The following LRRC7 variants were observed in gnomAD, a reference collection of about 807,000 sequenced individuals.
The protein encoded by LRRC7 is leucine rich repeat containing 7, also known as leucine-rich repeat-containing protein 7.
A neutral mutation model predicts 175.7 loss-of-function variants in LRRC7; 23 were observed. The observed-to-expected ratio is 0.13, with a 90% CI of 0.09 to 0.19. The LOEUF (loss-of-function observed/expected upper bound fraction) is 0.19. LRRC7 is among the 10% of genes least tolerant of loss of function. The pLI, the probability that LRRC7 is intolerant of heterozygous loss-of-function variation, is 1.00. For synonymous variants in LRRC7, 685 were observed against 680.9 expected, an observed-to-expected ratio of 1.01 and a Z score of -0.09; for missense variants, 1,354 against 1,904.7, an observed-to-expected ratio of 0.71 and a Z score of 5.38.
chr1:69,897,602 CGAATGCAT>C (rs1646015991), intron 7 of LRRC7, among the ~76,000 whole-genome samples: 1 of 152,050 alleles, frequency 6.6e-6, no homozygotes, highest in African/African-American at 2.4e-5. Flanking sequence ...ATTTGTTGAA[CGAATGCAT>C]GAATGCTTCA....
At chr1:70,065,243 T>G (rs1661882644) in intron 23 of LRRC7, among the ~76,000 whole-genome samples, 1 of 151,978 alleles carries the variant, frequency 6.6e-6, no homozygotes, top group South Asian at 2.1e-4. Context: ...CTTACTAAGA[T>G]CTTGTCTTTT....
At position 69,629,241 on chromosome 1, in the gene LRRC7, A is replaced by G. The variant is rs1241269675; in HGVS notation, c.3-49140A>G. Among the ~76,000 whole-genome samples, 6 of 152,182 alleles carry G rather than the reference A, an allele frequency of 3.9e-5. No individual in the cohort carries two copies. The East Asian group carries it at 9.6e-4, about 24-fold the overall frequency. Reference sequence around the variant, plus strand: ...AAAAGGCTGTTATCCAAGATGTACAACTATTAATATTCAACATAAGAAAAT... The same window carrying G: ...AAAAGGCTGTTATCCAAGATGTACAGCTATTAATATTCAACATAAGAAAAT... On this transcript the variant is annotated intron_variant, in intron 1 of 26. Transcript: ENST00000651989.
rs577488897 is a variant in LRRC7 at position 69,857,326 on chromosome 1, C to T, written c.647+19043C>T. 5.9e-5 allele frequency among the ~76,000 whole-genome samples: 9 copies of T among 152,266 alleles called. No homozygotes were observed. The South Asian group carries it at 1.9e-3, about 32-fold the overall frequency. ...TTAGGAAAAGAGGAAGTCAAATTAT[C>T]CCTGTTTGCAGATGACATGATTGCA... is the stretch of plus-strand genomic sequence containing the variant. On this transcript the variant is annotated intron_variant, in intron 7 of 26. Transcript: ENST00000651989.
intron 1 of LRRC7, among the ~76,000 whole-genome samples, chr1:69,656,262 T>C (rs1190892290): frequency 6.6e-6 from 1 of 152,002 alleles, no homozygotes; most frequent in Non-Finnish European, 1.5e-5. Flanking sequence ...AACATTACTC[T>C]AAGGAAATTC....
intron 2 of LRRC7, among the ~76,000 whole-genome samples, chr1:69,700,706 G>T (rs991483370): frequency 6.6e-6 from 1 of 152,206 alleles, no homozygotes; most frequent in African/African-American, 2.4e-5. Context: ...AAGGAACAGG[G>T]ATCCAGAAAA....
At chr1:69,794,387 T>A (rs894471894) in intron 4 of LRRC7, among the ~76,000 whole-genome samples, 7 of 152,200 alleles carry the variant, frequency 4.6e-5, no homozygotes, top group Non-Finnish European at 8.8e-5. Flanking sequence ...TAGAGGGTTT[T>A]CAGCAAGACA....
At chr1:69,637,228 G>T (rs184727318) in intron 1 of LRRC7, among the ~76,000 whole-genome samples, 2 of 152,000 alleles carry the variant, frequency 1.3e-5, no homozygotes, top group African/African-American at 4.8e-5. Flanking sequence ...CTGAATAAAT[G>T]TCTTTAATAG....
Position 69,568,498 on chromosome 1 carries a change from A to C in LRRC7, c.-142A>C. 6.6e-6 allele frequency: 4 copies of C among 606,200 alleles called. No homozygotes were observed. Among genetic ancestry groups the C allele is most frequent in the Non-Finnish European group, 1.0e-5 (4 of 395,132 alleles). The allele number at this position is 606,200 out of a possible 1,614,324, so 37.6% of individuals were successfully genotyped here. ...TTCCCCTCTATCTCCTGTTCTTCCT[A>C]CCTTCTACTCCTTCCCTCCTCTTCT... On this transcript the variant is annotated 5_prime_UTR_variant, in exon 1 of 27. Transcript: ENST00000651989.
chr1:69,594,743 A>G (rs1193211419), intron 1 of LRRC7, among the ~76,000 whole-genome samples: 1 of 151,992 alleles, frequency 6.6e-6, no homozygotes, highest in African/African-American at 2.4e-5. Flanking sequence ...TGCCACTCAT[A>G]TTTTTCCCCT....
chr1:69,769,537 G>T (rs965085283), intron 3 of LRRC7, among the ~76,000 whole-genome samples: 3 of 151,990 alleles, frequency 2.0e-5, no homozygotes, highest in Non-Finnish European at 2.9e-5. Context: ...TTACCTTCAG[G>T]TTATGTGTAT....
chr1:69,696,072 C>A (rs1662542216), intron 2 of LRRC7, among the ~76,000 whole-genome samples: 1 of 152,206 alleles, frequency 6.6e-6, no homozygotes, highest in African/African-American at 2.4e-5. Flanking sequence ...AATGTTAGAG[C>A]AACTGGCAGC....
intron 7 of LRRC7, among the ~76,000 whole-genome samples, chr1:69,889,471 A>G (rs1466881588): frequency 6.6e-6 from 1 of 152,172 alleles, no homozygotes; most frequent in African/African-American, 2.4e-5. Context: ...TGTCATTTCA[A>G]CAATGTTCAC....
chr1:69,836,000 A>C (rs1681057775), intron 6 of LRRC7, among the ~76,000 whole-genome samples: 1 of 152,004 alleles, frequency 6.6e-6, no homozygotes, highest in Non-Finnish European at 1.5e-5. Flanking sequence ...TTTTTTGTGC[A>C]AAAGATATAT....
At chr1:69,970,412 T>C (rs977545862) in intron 8 of LRRC7, among the ~76,000 whole-genome samples, 10 of 150,970 alleles carry the variant, frequency 6.6e-5, no homozygotes, top group African/African-American at 2.4e-4. Flanking sequence ...AGAGAGAAAA[T>C]CCAAATAAGC....
chr1:69,901,811 G>T (rs998901224), intron 7 of LRRC7, among the ~76,000 whole-genome samples: 1 of 151,746 alleles, frequency 6.6e-6, no homozygotes. Context: ...TCTTTGCTTG[G>T]GATTCCCATT....
intron 1 of LRRC7, among the ~76,000 whole-genome samples, chr1:69,601,081 G>T (rs891567553): frequency 6.6e-6 from 1 of 152,040 alleles, no homozygotes; most frequent in Non-Finnish European, 1.5e-5. Context: ...CTCCCAAAGT[G>T]CTGGGATTAC....
Position 69,760,350 on chromosome 1 carries a change from A to G in LRRC7, c.260A>G (p.Glu87Gly). ...GTCTTTAACTTCGAACGAACATTAG[A>G]GGAGCTTTATCTAGATGCCAATCAA... ...KEVFNFERTL[E>G]ELYLDANQIE... is the part of the protein sequence containing the mutation. The change falls in exon 3 of 27, where the codon GAG (glutamate) becomes GGG (glycine). Residue 87 changes from glutamate (E) to glycine (G), a missense_variant. Glu to Gly is a moderately conservative substitution (Grantham distance 98, BLOSUM62 -2). This residue lies in a region of LRRC7 where 201 missense variants were observed against 481.4 expected (regional missense o/e 0.42). Transcript: ENST00000651989. 6.2e-7 allele frequency: 1 copy of G among 1,612,864 alleles called. No homozygotes were observed. Among genetic ancestry groups the G allele is most frequent in the Non-Finnish European group, 8.5e-7 (1 of 1,179,222 alleles).
chr1:69,824,284 A>ATAT (rs1025070505), intron 4 of LRRC7, among the ~76,000 whole-genome samples: 10 of 152,178 alleles, frequency 6.6e-5, no homozygotes, highest in Admixed American at 2.0e-4. Context: ...TCCATTGAAG[A>ATAT]TATTTAAAGA....
At chr1:69,795,473 G>C (rs1675630027) in intron 4 of LRRC7, among the ~76,000 whole-genome samples, 1 of 151,942 alleles carries the variant, frequency 6.6e-6, no homozygotes. Context: ...AGTGAAGAAA[G>C]AGTAGATAGC....
Sources: allele counts gnomAD v4.1 joint callset (sites outside exome capture counted in the v4.1 genomes callset), GRCh38; gene constraint gnomAD v4.1.1; regional missense constraint gnomAD v4.1.1; transcripts MANE v1.5; gene names NCBI Gene and HGNC (gene_info 2026-07-23, HGNC 2026-07-21).